The following SYMPK variants were observed in gnomAD, a reference collection of about 807,000 sequenced individuals.
SYMPK encodes the protein symplekin scaffold protein.
Under a neutral mutation model 136.4 loss-of-function variants are expected in SYMPK, and 49 were observed. That is an observed-to-expected ratio of 0.36 (90% CI 0.29 to 0.46). The LOEUF (loss-of-function observed/expected upper bound fraction) is 0.46. Ranked by LOEUF, SYMPK falls within the 20% of genes least tolerant of loss-of-function variation. The pLI, the probability that SYMPK is intolerant of heterozygous loss-of-function variation, is 1.00. For synonymous variants in SYMPK, 766 were observed against 713.0 expected (o/e 1.07, Z -1.19); for missense variants, 1,365 against 1,690.0 (o/e 0.81, Z 3.37).
intron 16 of SYMPK, among the ~76,000 whole-genome samples, chr19:45,827,270 G>A (rs373982130): frequency 3.3e-5 from 5 of 152,206 alleles, no homozygotes; most frequent in South Asian, 2.1e-4. Context: ...GCAAGCGCAC[G>A]TGTGTGTGTG....
chr19:45,823,611 CCA>C (rs1284403756), intron 19 of SYMPK, 139 bp from the exon 20 acceptor site: 128 of 958,044 alleles, frequency 1.3e-4, no homozygotes, highest in Non-Finnish European at 1.9e-4. Flanking sequence ...GCAATTAGCA[CCA>C]CACTGTTCCA....
chr19:45,856,823 C>A (rs1971832859), intron 1 of SYMPK, among the ~76,000 whole-genome samples: 2 of 151,676 alleles, frequency 1.3e-5, no homozygotes, highest in African/African-American at 2.4e-5. Context: ...CACCCTGTCT[C>A]AGAAACAAAC....
At chr19:45,838,806 CG>C (rs1250952276) in intron 9 of SYMPK, among the ~76,000 whole-genome samples, 191 bp from the exon 10 acceptor site, 1 of 152,224 alleles carries the variant, frequency 6.6e-6, no homozygotes, top group African/African-American at 2.4e-5. Context: ...CTACCTGACT[CG>C]TTCTGAACCT....
intron 23 of SYMPK, 93 bp from the exon 24 acceptor site, chr19:45,817,067 C>T: frequency 1.6e-6 from 2 of 1,278,860 alleles, no homozygotes; most frequent in Non-Finnish European, 1.1e-6. Flanking sequence ...AGACCATGCC[C>T]AAATCCCACC....
chr19:45,821,338 G>A lies in SYMPK; in HGVS notation c.2893+46C>T, dbSNP rs1253349268. On this transcript the variant is annotated intron_variant, in intron 22 of 26. Transcript: ENST00000245934. The surrounding 1 kb of genome is among the most constrained non-coding windows in gnomAD (Gnocchi z 4.4). ...ATGTGGGTGACTGAGGTCCTGCCCT[G>A]GCGTCGCAGGGGCCAGGCCACTGGA... 3 of 1,440,794 alleles carry A rather than the reference G, an allele frequency of 2.1e-6. No individual in the cohort carries two copies. In the African/African-American group the frequency reaches 4.2e-5, roughly 20 times the overall value. 89.3% of individuals were successfully genotyped at this position (1,440,794 alleles called of 1,614,324 possible).
intron 1 of SYMPK, among the ~76,000 whole-genome samples, chr19:45,858,407 C>T (rs897008569): frequency 2.6e-5 from 4 of 152,190 alleles, no homozygotes; most frequent in Non-Finnish European, 5.9e-5. Flanking sequence ...GCCTCTCTTC[C>T]GTCTGCCTGG....
Position 45,826,510 on chromosome 19 carries a change from G to C in SYMPK, c.2182-137C>G, listed in dbSNP as rs1971047239. Reference sequence around the variant, plus strand: ...GCAGCCCAGCTGTTACCAGGGCCCAGGGCTGGTCCCCAGTGCAGGAGGCAG... The same window carrying C: ...GCAGCCCAGCTGTTACCAGGGCCCACGGCTGGTCCCCAGTGCAGGAGGCAG... On this transcript the variant is annotated intron_variant, in intron 16 of 26. Coordinates refer to ENST00000245934, the MANE Select transcript of SYMPK (RefSeq NM_004819.3). The C allele has an allele frequency of 5.5e-6, 5 of 915,436 alleles. No homozygotes were observed. In the Admixed American group the frequency reaches 8.7e-5, roughly 16 times the overall value. 56.7% of individuals were successfully genotyped at this position (915,436 alleles called of 1,614,324 possible).
intron 12 of SYMPK, 98 bp downstream of exon 12, chr19:45,831,286 C>CACAT: frequency 1.1e-6 from 1 of 938,216 alleles, no homozygotes; most frequent in Non-Finnish European, 1.5e-6. Flanking sequence ...CTCAGTTACA[C>CACAT]ACACACACGC....
intron 12 of SYMPK, chr19:45,831,169 A>ATTT: frequency 5.8e-6 from 2 of 342,378 alleles, no homozygotes; most frequent in Non-Finnish European, 1.0e-5. Context: ...ATAAAAAAGG[A>ATTT]TTTTTTTTTT....
intron 5 of SYMPK, 131 bp downstream of exon 5, chr19:45,852,179 CAG>C: frequency 2.3e-6 from 2 of 869,966 alleles, no homozygotes; most frequent in South Asian, 1.4e-5. Context: ...GCTGGGGAAT[CAG>C]TGTGTATGAG....
In SYMPK at chr19:45,854,081, A is replaced by T. The variant is rs577573757; in HGVS notation, c.171+94T>A. 98 of 1,200,254 alleles carry T rather than the reference A, an allele frequency of 8.2e-5. No individual in the cohort carries two copies. In the East Asian group the frequency reaches 2.2e-3, roughly 27 times the overall value. 74.4% of individuals were successfully genotyped at this position (1,200,254 alleles called of 1,614,324 possible). ...GTGGCCGGCACACACTGAGTGTGTA[A>T]ATGTGGACACTGGTGTTACTGCAAG... On this transcript the variant is annotated intron_variant, in intron 3 of 26. Coordinates refer to ENST00000245934, the MANE Select transcript of SYMPK (RefSeq NM_004819.3).
chr19:45,839,791 C>T (rs1309979533), intron 9 of SYMPK, among the ~76,000 whole-genome samples: 2 of 151,792 alleles, frequency 1.3e-5, no homozygotes, highest in Non-Finnish European at 2.9e-5. Context: ...AAGATTGCAC[C>T]ACTGCACTCC....
chr19:45,835,269 A>C, intron 10 of SYMPK, 41 bp from the exon 11 acceptor site: 1 of 1,521,652 alleles, frequency 6.6e-7, no homozygotes, highest in Non-Finnish European at 8.8e-7. Context: ...TTAATCATTA[A>C]CTCAAGAAGC....
chr19:45,842,377 C>G lies in SYMPK; in HGVS notation c.960G>C (p.Gln320His). 6.2e-7 allele frequency: 1 copy of G among 1,614,204 alleles called. No homozygotes were observed. The highest frequency in any genetic ancestry group is 8.5e-7 in the Non-Finnish European group (1 of 1,180,036). Residue 320 changes from glutamine (Q) to histidine (H), a missense_variant, in exon 9 of 27, where the codon CAG (glutamine) becomes CAC (histidine). Coordinates refer to ENST00000245934, the MANE Select transcript of SYMPK (RefSeq NM_004819.3). ...CCAGGTCCACCAGCAGGGTGGTGAT[C>G]TGGGCCTGGAACTCCAAGGAAGCCG... ...KHPASLEFQA[Q>H]ITTLLVDLGT...
At chr19:45,845,030 C>A (rs192500754) in intron 7 of SYMPK, among the ~76,000 whole-genome samples, 1 of 152,232 alleles carries the variant, frequency 6.6e-6, no homozygotes, top group African/African-American at 2.4e-5. Context: ...TTGTTACACA[C>A]AATCCAATTA....
chr19:45,830,002 A>G (rs1438583333), intron 13 of SYMPK, 52 bp downstream of exon 13: 29 of 1,506,802 alleles, frequency 1.9e-5, no homozygotes, highest in Non-Finnish European at 2.6e-5. Flanking sequence ...TGTGAGGTAG[A>G]CGTTTGGGTA....
chr19:45,857,210 C>G (rs949424882), intron 1 of SYMPK, among the ~76,000 whole-genome samples: 3 of 151,432 alleles, frequency 2.0e-5, no homozygotes, highest in Non-Finnish European at 4.4e-5. Flanking sequence ...GAGATCGAGA[C>G]CATCCTGGCT....
chr19:45,831,142 T>C (rs1971159485), intron 12 of SYMPK: 1 of 368,010 alleles, frequency 2.7e-6, no homozygotes, highest in South Asian at 1.2e-4. Flanking sequence ...GATACTATCA[T>C]TATCCTAATT....
chr19:45,826,725 G>A (rs1971051201), intron 16 of SYMPK, among the ~76,000 whole-genome samples: 1 of 152,164 alleles, frequency 6.6e-6, no homozygotes, highest in Admixed American at 6.5e-5. Context: ...GTTTCACTCA[G>A]ATATCATCTG....
Sources: gnomAD v4.1 joint callset for allele counts (sites outside exome capture counted in the v4.1 genomes callset) on GRCh38, gnomAD v4.1.1 for gene constraint, Gnocchi (gnomAD v3.1) non-coding constraint, MANE v1.5 for transcripts, NCBI Gene and HGNC (gene_info 2026-07-23, HGNC 2026-07-21) for gene names.